The following UBE2R2 variants were observed in gnomAD, a reference collection of about 807,000 sequenced individuals.
The protein encoded by UBE2R2 is ubiquitin-conjugating enzyme E2 R2.
In UBE2R2, 1 loss-of-function variant was observed where a neutral mutation model predicts 27.8. The ratio of observed to expected loss-of-function variants is 0.04; its 90% CI spans 0.01 to 0.17. The LOEUF (loss-of-function observed/expected upper bound fraction) is 0.17. Ranked by LOEUF, UBE2R2 falls within the 10% of genes least tolerant of loss-of-function variation. The pLI is 1.00. For missense variants in UBE2R2, 100 were observed against 291.0 expected (o/e 0.34, Z 4.78); for synonymous variants, 106 against 113.3 (o/e 0.94, Z 0.41).
At chr9:33,830,855 T>C (rs1820458171) in intron 1 of UBE2R2, 2 of 152,036 alleles carry the variant, frequency 1.3e-5, no homozygotes, top group Non-Finnish European at 2.9e-5. Context: ...TCCCATAAAA[T>C]AATTCATATT....
chr9:33,821,274 C>G (rs970042706), intron 1 of UBE2R2, among the ~76,000 whole-genome samples: 1 of 151,994 alleles, frequency 6.6e-6, no homozygotes, highest in African/African-American at 2.4e-5. Context: ...CACCTCAGCC[C>G]CCTGAGTAGC....
At chr9:33,905,769 T>C (rs1297554149) in intron 3 of UBE2R2, among the ~76,000 whole-genome samples, 2 of 152,194 alleles carry the variant, frequency 1.3e-5, no homozygotes, top group African/African-American at 4.8e-5. Context: ...AAACATGCAA[T>C]GAGGACTGAG....
intron 1 of UBE2R2, among the ~76,000 whole-genome samples, chr9:33,859,793 T>TGAGA (rs767686442): frequency 1.6e-5 from 2 of 124,712 alleles, no homozygotes; most frequent in African/African-American, 5.5e-5. Flanking sequence ...TGTGTGTGTG[T>TGAGA]GTGTGTGAGA....
intron 1 of UBE2R2, among the ~76,000 whole-genome samples, chr9:33,856,723 T>C (rs1821109530): frequency 6.6e-6 from 1 of 151,740 alleles, no homozygotes; most frequent in South Asian, 2.1e-4. Context: ...TTTTTTTCTT[T>C]CCATTTTATG....
intron 3 of UBE2R2, among the ~76,000 whole-genome samples, chr9:33,909,467 G>A (rs568087354): frequency 3.9e-5 from 6 of 152,228 alleles, no homozygotes; most frequent in African/African-American, 1.4e-4. Flanking sequence ...CAGCCTGGGC[G>A]ACGAGTGAAA....
intron 1 of UBE2R2, among the ~76,000 whole-genome samples, chr9:33,821,231 C>G (rs1023412134): frequency 2.6e-5 from 4 of 152,168 alleles, no homozygotes; most frequent in African/African-American, 9.7e-5. Flanking sequence ...TGGCTCACTG[C>G]AGCTTCCACA....
intron 1 of UBE2R2, among the ~76,000 whole-genome samples, chr9:33,860,406 C>T (rs780118178): frequency 2.6e-5 from 4 of 152,162 alleles, no homozygotes; most frequent in African/African-American, 4.8e-5. Flanking sequence ...TTACTACGCC[C>T]TACCACTCTT....
intron 1 of UBE2R2, among the ~76,000 whole-genome samples, chr9:33,881,261 GTTAGT>G (rs1473950393): frequency 1.3e-5 from 2 of 152,088 alleles, no homozygotes; most frequent in Non-Finnish European, 2.9e-5. Context: ...CTAATCTCCA[GTTAGT>G]TTAGTTTAGA....
At chr9:33,914,447 G>A (rs559675473) in intron 4 of UBE2R2, among the ~76,000 whole-genome samples, 17 of 152,312 alleles carry the variant, frequency 1.1e-4, no homozygotes, top group Admixed American at 3.9e-4. Context: ...AGACATTGAA[G>A]TCATGATAAG....
At position 33,907,718 on chromosome 9, in the gene UBE2R2, C is replaced by T. The variant is rs562959975; in HGVS notation, c.363-4246C>T. Among the ~76,000 whole-genome samples the T allele has an allele frequency of 2.1e-4, 32 of 152,170 alleles. No homozygotes were observed. In the East Asian group the frequency reaches 3.9e-3, roughly 18 times the overall value. Reference sequence around the variant, plus strand: ...TCAGGGTCTATTTTGCTAGTCCAACCTCTTGTTTCTCCTGAGAAAATACAG... The same window carrying T: ...TCAGGGTCTATTTTGCTAGTCCAACTTCTTGTTTCTCCTGAGAAAATACAG... On this transcript the variant is annotated intron_variant, in intron 3 of 4. Coordinates refer to ENST00000263228, the MANE Select transcript of UBE2R2 (RefSeq NM_017811.4).
rs1177722087 is a variant in UBE2R2, at chr9:33,817,733, C to A, written c.-25C>A. ...CGTGAGGACTGGGGCCCGGGCCCGGCGCCGCCGCCGCCGCCGCCGCCGCGA... is the reference window on the plus strand; with the variant it reads ...CGTGAGGACTGGGGCCCGGGCCCGGAGCCGCCGCCGCCGCCGCCGCCGCGA... On this transcript the variant is annotated 5_prime_UTR_variant, in exon 1 of 5. Transcript: ENST00000263228. The A allele has an allele frequency of 3.3e-6, 4 of 1,220,746 alleles. No homozygotes were observed. Among genetic ancestry groups the A allele is most frequent in the Non-Finnish European group, 4.2e-6 (4 of 960,152 alleles). The allele number at this position is 1,220,746 out of a possible 1,614,324, so 75.6% of individuals were successfully genotyped here. A position where few individuals can be genotyped will look rare whatever the true frequency, so the allele number is the denominator to read the frequency against.
chr9:33,852,259 T>C (rs551923028), intron 1 of UBE2R2, among the ~76,000 whole-genome samples: 13 of 152,170 alleles, frequency 8.5e-5, no homozygotes, highest in Non-Finnish European at 1.3e-4. Flanking sequence ...TGCAGTGAGC[T>C]ATGATTGCAC....
intron 1 of UBE2R2, among the ~76,000 whole-genome samples, chr9:33,842,925 G>C (rs1820760319): frequency 6.6e-6 from 1 of 150,434 alleles, no homozygotes; most frequent in African/African-American, 2.5e-5. Flanking sequence ...TGTAGTTCCA[G>C]CTACTTGGAA....
Position 33,829,952 on chromosome 9 carries a change from C to G in UBE2R2, c.177+12018C>G, listed in dbSNP as rs140171249. On this transcript the variant is annotated intron_variant, in intron 1 of 4. Transcript: ENST00000263228. ...AGCAAGGACTATAGGCATGTGCCAC[C>G]ACGCCCGGCTAATTTTGTACTTTTA... 2.1e-3 allele frequency among the ~76,000 whole-genome samples: 319 copies of G among 151,962 alleles called. 1 individual carries two copies. Among genetic ancestry groups the G allele is most frequent in the African/African-American group, 7.0e-3 (292 of 41,450 alleles).
rs979366220 is a variant in UBE2R2 at position 33,918,732 on chromosome 9, T to C, written c.*1495T>C. On this transcript the variant is annotated 3_prime_UTR_variant, in exon 5 of 5. Transcript: ENST00000263228. ...GAAGGAAAATGCAGCAAGGACTGAC[T>C]GTAGTCCTATTTCAGACCCCTGGGC... The C allele has an allele frequency of 1.3e-5, 2 of 152,644 alleles. No individual in the cohort carries two copies. Among genetic ancestry groups the C allele is most frequent in the African/African-American group, 2.4e-5 (1 of 41,444 alleles). 9.5% of individuals were successfully genotyped at this position (152,644 alleles called of 1,614,324 possible). A position where few individuals can be genotyped will look rare whatever the true frequency, so the allele number is the denominator to read the frequency against.
intron 1 of UBE2R2, among the ~76,000 whole-genome samples, chr9:33,818,377 G>A (rs1342006481): frequency 2.2e-5 from 3 of 136,678 alleles, no homozygotes; most frequent in African/African-American, 8.0e-5. Flanking sequence ...GGGGGTGGGG[G>A]TGGGGGTGGG....
At position 33,917,931 on chromosome 9, in the gene UBE2R2, T is replaced by C. The variant is rs1822693711; in HGVS notation, c.*694T>C. 1 of 153,772 alleles carries C rather than the reference T, an allele frequency of 6.5e-6. No individual in the cohort carries two copies. The highest frequency in any genetic ancestry group is 6.5e-5 in the Admixed American group (1 of 15,284). The allele number at this position is 153,772 out of a possible 1,614,324, so 9.5% of individuals were successfully genotyped here. A position where few individuals can be genotyped will look rare whatever the true frequency, so the allele number is the denominator to read the frequency against. ...TGCTCTGAGGAGAGAAATCAGACTT[T>C]GTTTTTTGAAATCGATTGGGATCGA... On this transcript the variant is annotated 3_prime_UTR_variant, in exon 5 of 5. Transcript: ENST00000263228.
At chr9:33,871,805 G>T (rs184666548) in intron 1 of UBE2R2, among the ~76,000 whole-genome samples, 1 of 152,274 alleles carries the variant, frequency 6.6e-6, no homozygotes, top group Admixed American at 6.5e-5. Context: ...CCACCTCCTG[G>T]GTTCGAGCAA....
At chr9:33,915,150 A>G (rs536693759) in intron 4 of UBE2R2, among the ~76,000 whole-genome samples, 1 of 152,140 alleles carries the variant, frequency 6.6e-6, no homozygotes, top group African/African-American at 2.4e-5. Context: ...AAAAAATCAA[A>G]TAGTTGGCCA....
Sources: allele counts gnomAD v4.1 joint callset (sites outside exome capture counted in the v4.1 genomes callset), GRCh38; gene constraint gnomAD v4.1.1; transcripts MANE v1.5; gene names NCBI Gene and HGNC (gene_info 2026-07-23, HGNC 2026-07-21).